Variants in MAD1L1 observed in about 807,000 individuals in gnomAD.
MAD1L1 encodes the protein mitotic arrest deficient 1 like 1, also known as mitotic spindle assembly checkpoint protein MAD1.
Under a neutral mutation model 96.9 loss-of-function variants are expected in MAD1L1, and 95 were observed. The ratio of observed to expected loss-of-function variants is 0.98; its 90% CI spans 0.83 to 1.16. MAD1L1 has a LOEUF of 1.16. Among genes scored for constraint, MAD1L1 ranks in the 50% most tolerant of loss-of-function variants. The pLI is 0.00. For missense variants in MAD1L1, 1,007 were observed against 954.4 expected, an observed-to-expected ratio of 1.06 and a Z score of -0.73; for synonymous variants, 473 against 396.6, an observed-to-expected ratio of 1.19 and a Z score of -2.29.
chr7:2,180,922 C>T (rs1376534311), intron 10 of MAD1L1, among the ~76,000 whole-genome samples: 1 of 152,148 alleles, frequency 6.6e-6, no homozygotes, highest in African/African-American at 2.4e-5. Context: ...GTAGAGCCTC[C>T]AGCACAATGC....
intron 16 of MAD1L1, among the ~76,000 whole-genome samples, chr7:1,938,769 C>T (rs1365992821): frequency 4.4e-5 from 6 of 137,480 alleles, no homozygotes; most frequent in South Asian, 4.8e-4. Flanking sequence ...CACACACACA[C>T]GCACGCACAC....
chr7:1,849,560 C>G (rs1783849659), intron 18 of MAD1L1: 1 of 152,216 alleles, frequency 6.6e-6, no homozygotes, highest in African/African-American at 2.4e-5. Context: ...GGGTCCACGC[C>G]CTCCTCAGCC....
intron 18 of MAD1L1, chr7:1,817,027 G>A (rs1316701561): frequency 1.3e-5 from 2 of 152,344 alleles, no homozygotes; most frequent in Non-Finnish European, 2.9e-5. Context: ...ACCATGAAGA[G>A]GAAAGAGCCA....
At chr7:2,014,672 C>T in intron 12 of MAD1L1, 30 bp from the exon 13 acceptor site, 1 of 1,580,262 alleles carries the variant, frequency 6.3e-7, no homozygotes, top group South Asian at 1.1e-5. Flanking sequence ...CTGATCAGGA[C>T]CCGGGACGGG....
intron 13 of MAD1L1, among the ~76,000 whole-genome samples, chr7:2,007,938 T>G (rs1782107484): frequency 6.6e-6 from 1 of 152,196 alleles, no homozygotes; most frequent in South Asian, 2.1e-4. Context: ...TCTCAAAAGC[T>G]CTGTGCTCAG....
rs1292539298 is a variant in MAD1L1 at position 1,903,630 on chromosome 7, T to C, written c.1808-5240A>G. 2.8e-5 allele frequency among the ~76,000 whole-genome samples: 4 copies of C among 145,092 alleles called. 1 individual carries two copies. The highest frequency in any genetic ancestry group is 1.4e-4 in the Admixed American group (2 of 14,746). The stretch of plus-strand genomic sequence containing the variant: ...GAAGAAGCTCTTGCAGAACTCATGA[T>C]TGATGAAGCACTGTTCCAGGCAGTG... On this transcript the variant is annotated intron_variant, in intron 17 of 18. Transcript: ENST00000265854.
intron 18 of MAD1L1, among the ~76,000 whole-genome samples, chr7:1,824,316 C>T (rs567018464): frequency 1.3e-5 from 2 of 151,468 alleles, no homozygotes; most frequent in South Asian, 4.2e-4. Flanking sequence ...GCTTGGCCAC[C>T]AGGAAGCTGC....
intron 10 of MAD1L1, among the ~76,000 whole-genome samples, chr7:2,209,463 C>A (rs1345374482): frequency 1.3e-5 from 2 of 152,208 alleles, no homozygotes; most frequent in Admixed American, 6.5e-5. Context: ...TGGTCAGAAA[C>A]AAGGCAGGCA....
chr7:2,203,095 G>A (rs944778591), intron 10 of MAD1L1, among the ~76,000 whole-genome samples: 5 of 152,226 alleles, frequency 3.3e-5, no homozygotes, highest in South Asian at 2.1e-4. Context: ...CCTTGCTGAC[G>A]GGTATAATGC....
intron 18 of MAD1L1, among the ~76,000 whole-genome samples, chr7:1,880,532 C>T (rs1377070769): frequency 1.3e-5 from 2 of 152,190 alleles, no homozygotes; most frequent in Non-Finnish European, 2.9e-5. Context: ...CTGGCCTTTC[C>T]CCGCTCACTA....
Position 1,883,652 on chromosome 7 carries a change from G to A in MAD1L1, c.1998+14548C>T, listed in dbSNP as rs1453543093. Among the ~76,000 whole-genome samples the A allele has an allele frequency of 2.0e-5, 3 of 152,332 alleles. 1 individual carries two copies. In the South Asian group the frequency reaches 6.2e-4, roughly 32 times the overall value. On this transcript the variant is annotated intron_variant, in intron 18 of 18. Coordinates refer to ENST00000265854, the MANE Select transcript of MAD1L1 (RefSeq NM_001013836.2). ...AAAACACTTCTGCCCTGTCCAGGGC[G>A]GCAAAGAGGGTACCGTGGCTGGGGT...
rs377494319 is a variant in MAD1L1, at chr7:2,213,197, C to T, written c.986+15G>A. The T allele has an allele frequency of 6.8e-6, 11 of 1,613,990 alleles. No individual in the cohort carries two copies. The African/African-American group carries it at 9.3e-5, about 14-fold the overall frequency. ...CAAAGAAGGCGGGACCCCGGAGACA[C>T]CTGCCCTTCCCTACCTGATGCTCAG... On this transcript the variant is annotated intron_variant, in intron 10 of 18. Transcript: ENST00000265854.
chr7:1,952,286 T>C (rs908348581), intron 16 of MAD1L1, among the ~76,000 whole-genome samples: 7 of 152,204 alleles, frequency 4.6e-5, no homozygotes, highest in Non-Finnish European at 1.0e-4. Context: ...AACACGATGC[T>C]GCTCCGAGGA....
chr7:1,869,828 C>T (rs912333500), intron 18 of MAD1L1, among the ~76,000 whole-genome samples: 1 of 152,172 alleles, frequency 6.6e-6, no homozygotes, highest in African/African-American at 2.4e-5. Context: ...AGACTGGGCT[C>T]CCGCAAGTGC....
intron 15 of MAD1L1, among the ~76,000 whole-genome samples, chr7:1,966,834 G>A (rs1020522116): frequency 1.3e-5 from 2 of 152,238 alleles, no homozygotes; most frequent in Non-Finnish European, 2.9e-5. Context: ...CGCGGGCCGC[G>A]CTGCGTGCGC....
chr7:2,169,552 G>T (rs1790604875), intron 10 of MAD1L1, among the ~76,000 whole-genome samples: 1 of 152,254 alleles, frequency 6.6e-6, no homozygotes, highest in Non-Finnish European at 1.5e-5. Context: ...CTCTTGCACT[G>T]AGCGGTGGCC....
At chr7:2,143,431 G>T (rs1789141733) in intron 11 of MAD1L1, among the ~76,000 whole-genome samples, 1 of 151,094 alleles carries the variant, frequency 6.6e-6, no homozygotes, top group Non-Finnish European at 1.5e-5. Context: ...AACCACCTGG[G>T]ACCAACAGCA....
At chr7:2,199,021 TG>T (rs1019499111) in intron 10 of MAD1L1, among the ~76,000 whole-genome samples, 3 of 152,118 alleles carry the variant, frequency 2.0e-5, no homozygotes, top group Admixed American at 6.5e-5. Context: ...CTCCCGGCCT[TG>T]GGCGGGGCTA....
intron 13 of MAD1L1, among the ~76,000 whole-genome samples, chr7:2,009,420 C>G (rs1425636486): frequency 6.6e-6 from 1 of 152,120 alleles, no homozygotes; most frequent in Non-Finnish European, 1.5e-5. Flanking sequence ...TGGTCATGGT[C>G]ACGGTCACGT....
Sources: gnomAD v4.1 joint callset for allele counts (sites outside exome capture counted in the v4.1 genomes callset) on GRCh38, gnomAD v4.1.1 for gene constraint, MANE v1.5 for transcripts, NCBI Gene and HGNC (gene_info 2026-07-23, HGNC 2026-07-21) for gene names.